Variants in DNAJC6 observed in about 807,000 individuals in gnomAD.
The protein encoded by DNAJC6 is DnaJ heat shock protein family (Hsp40) member C6, also known as auxilin.
In DNAJC6, 34 loss-of-function variants were observed where a neutral mutation model predicts 110.0. That is an observed-to-expected ratio of 0.31 (90% CI 0.24 to 0.41). The LOEUF is 0.41. Among genes scored for constraint, DNAJC6 ranks in the 10% least tolerant of loss-of-function variants. DNAJC6 has a pLI of 1.00. For missense variants in DNAJC6, 1,031 were observed against 1,207.8 expected (o/e 0.85, Z 2.17); for synonymous variants, 406 against 437.2 (o/e 0.93, Z 0.89).
Position 65,309,947 on chromosome 1 carries a change from GC to G in DNAJC6, c.193+12del. ...CACCATGGACAGCTCAGGTAGCGCT[GC>G]CCGAGGGGAGTGCAGCGCTGAGCCC... On this transcript the variant is annotated intron_variant, in intron 1 of 18. Transcript: ENST00000371069. The G allele has an allele frequency of 6.9e-7, 1 of 1,441,286 alleles. No homozygotes were observed. The highest frequency in any genetic ancestry group is 9.1e-7 in the Non-Finnish European group (1 of 1,097,494). The allele number at this position is 1,441,286 out of a possible 1,614,324, so 89.3% of individuals were successfully genotyped here.
Position 65,388,379 on chromosome 1 carries a change from TC to T in DNAJC6, c.1158del (p.Phe386LeufsTer9), listed in dbSNP as rs1645892435. The T allele has an allele frequency of 6.2e-7, 1 of 1,614,010 alleles. No homozygotes were observed. The highest frequency in any genetic ancestry group is 1.3e-5 in the African/African-American group (1 of 74,942). ...TTCCAGCTTCAGTTTCACACTGGAT[TC>T]ATACCACTGGACACAACAGTTTTAA... ...QIFQLQFHTG[F>X]IPLDTTVLKF... On this transcript the variant is annotated frameshift_variant, in exon 9 of 19. Coordinates refer to ENST00000371069, the MANE Select transcript of DNAJC6 (RefSeq NM_001256864.2). LOFTEE classifies it high-confidence loss of function.
intron 1 of DNAJC6, among the ~76,000 whole-genome samples, chr1:65,318,438 G>C (rs1250821603): frequency 6.6e-6 from 1 of 152,134 alleles, no homozygotes; most frequent in East Asian, 1.9e-4. Context: ...GCTGTGTGAA[G>C]GATGAATCCC....
At chr1:65,321,129 G>A (rs538886662) in intron 1 of DNAJC6, among the ~76,000 whole-genome samples, 2 of 152,116 alleles carry the variant, frequency 1.3e-5, no homozygotes, top group Non-Finnish European at 1.5e-5. Flanking sequence ...CCACATTGTA[G>A]GCAGGATTTC....
intron 1 of DNAJC6, among the ~76,000 whole-genome samples, chr1:65,331,779 G>T (rs191881203): frequency 1.3e-5 from 2 of 152,202 alleles, no homozygotes; most frequent in African/African-American, 4.8e-5. Flanking sequence ...AAAATATTGG[G>T]TGACCAAATT....
intron 1 of DNAJC6, among the ~76,000 whole-genome samples, chr1:65,287,483 T>C (rs902546124): frequency 6.6e-6 from 1 of 152,238 alleles, no homozygotes; most frequent in Non-Finnish European, 1.5e-5. Context: ...GTATTTCCTT[T>C]CATTTATTTT....
At chr1:65,334,702 G>C (rs1200319359) in intron 1 of DNAJC6, among the ~76,000 whole-genome samples, 1 of 152,204 alleles carries the variant, frequency 6.6e-6, no homozygotes, top group Non-Finnish European at 1.5e-5. Flanking sequence ...AAGATACTAA[G>C]TAAGGAGTAG....
chr1:65,288,412 C>T (rs749706975), intron 1 of DNAJC6, among the ~76,000 whole-genome samples: 38 of 152,078 alleles, frequency 2.5e-4, no homozygotes, highest in Non-Finnish European at 5.1e-4. Flanking sequence ...GCAAGATTGG[C>T]AGCATATGAA....
intron 1 of DNAJC6, among the ~76,000 whole-genome samples, chr1:65,285,791 G>C (rs1653997101): frequency 6.6e-6 from 1 of 152,054 alleles, no homozygotes; most frequent in Non-Finnish European, 1.5e-5. Context: ...TCGTGCCTCA[G>C]CCTCCCGTGT....
At chr1:65,313,472 TC>T in intron 1 of DNAJC6, among the ~76,000 whole-genome samples, 1 of 152,324 alleles carries the variant, frequency 6.6e-6, no homozygotes, top group African/African-American at 2.4e-5. Context: ...TTACTTTGTA[TC>T]TTGCCCTTTC....
At chr1:65,264,789 G>A in exon 1 of DNAJC6, 1 of 1,521,732 alleles carries the variant, frequency 6.6e-7, no homozygotes, top group Non-Finnish European at 8.8e-7. Context: ...CATAGCCCGA[G>A]TGCTCCTCCG....
rs1322766445 is a variant in DNAJC6, at chr1:65,389,441, C to T, written c.1379C>T (p.Ala460Val). Reference protein sequence around the residue: ...SSHQEHQDTLALGGQAPIDIP... With the variant: ...SSHQEHQDTLVLGGQAPIDIP... Reference sequence around the variant, plus strand: ...CACCAGGAACATCAAGATACGCTGGCCTTAGGAGGTATGAGTCACCTGATG... The same window carrying T: ...CACCAGGAACATCAAGATACGCTGGTCTTAGGAGGTATGAGTCACCTGATG... The change falls in exon 10 of 19, where the codon GCC becomes GTC. Residue 460 changes from alanine to valine, a missense_variant. Physicochemically the swap from Ala to Val is moderately conservative, Grantham distance 64. Coordinates refer to ENST00000371069, the MANE Select transcript of DNAJC6 (RefSeq NM_001256864.2). 6.2e-7 allele frequency: 1 copy of T among 1,613,864 alleles called. No homozygotes were observed. The highest frequency in any genetic ancestry group is 2.2e-5 in the East Asian group (1 of 44,872).
chr1:65,273,178 T>A (rs1360504121), intron 1 of DNAJC6, among the ~76,000 whole-genome samples: 2 of 152,234 alleles, frequency 1.3e-5, no homozygotes, highest in African/African-American at 2.4e-5. Flanking sequence ...GCTTTTGTCT[T>A]TATTATTTCC....
chr1:65,275,639 A>C (rs1388026253), intron 1 of DNAJC6, among the ~76,000 whole-genome samples: 1 of 151,976 alleles, frequency 6.6e-6, no homozygotes, highest in East Asian at 1.9e-4. Flanking sequence ...CCCTGCCATT[A>C]TCTCTCCAAA....
At chr1:65,297,045 A>G (rs1198375656) in intron 1 of DNAJC6, among the ~76,000 whole-genome samples, 1 of 152,206 alleles carries the variant, frequency 6.6e-6, no homozygotes, top group Non-Finnish European at 1.5e-5. Flanking sequence ...TGTTAGAAGA[A>G]GTAGACTGTT....
chr1:65,401,968 G>A (rs545579580), intron 15 of DNAJC6, 88 bp downstream of exon 15: 85 of 1,550,438 alleles, frequency 5.5e-5, no homozygotes, highest in Middle Eastern at 1.8e-4. Flanking sequence ...CAGCAAGCTG[G>A]TATTGTCACC....
At chr1:65,411,743 G>A (rs1646131347) in intron 18 of DNAJC6, among the ~76,000 whole-genome samples, 1 of 151,940 alleles carries the variant, frequency 6.6e-6, no homozygotes, top group Non-Finnish European at 1.5e-5. Flanking sequence ...GGCAGGGTAG[G>A]CGAATCGCTC....
At chr1:65,328,395 A>G (rs1645259473) in intron 1 of DNAJC6, among the ~76,000 whole-genome samples, 1 of 152,214 alleles carries the variant, frequency 6.6e-6, no homozygotes, top group Admixed American at 6.5e-5. Context: ...GTACAGAGAG[A>G]TAGCTGTAAA....
chr1:65,342,713 C>G (rs1211985367), intron 1 of DNAJC6, among the ~76,000 whole-genome samples: 1 of 152,116 alleles, frequency 6.6e-6, no homozygotes, highest in African/African-American at 2.4e-5. Flanking sequence ...TAGTCTAGTT[C>G]CCAGGGATCA....
At chr1:65,325,330 A>G (rs568995541) in intron 1 of DNAJC6, among the ~76,000 whole-genome samples, 4 of 152,326 alleles carry the variant, frequency 2.6e-5, no homozygotes, top group Admixed American at 2.0e-4. Context: ...CTCTTAAAGG[A>G]GCTTAGAAGA....
Sources: allele counts gnomAD v4.1 joint callset (sites outside exome capture counted in the v4.1 genomes callset), GRCh38; gene constraint gnomAD v4.1.1; transcripts MANE v1.5; gene names NCBI Gene and HGNC (gene_info 2026-07-23, HGNC 2026-07-21).